The following DACH2 variants were observed in gnomAD, a reference collection of about 807,000 sequenced individuals.
DACH2 encodes the protein dachshund homolog 2.
A neutral mutation model predicts 35.8 loss-of-function variants in DACH2; 17 were observed. The ratio of observed to expected loss-of-function variants is 0.48; its 90% confidence interval spans 0.33 to 0.71. The LOEUF (loss-of-function observed/expected upper bound fraction) is 0.71, where lower values mean the gene tolerates loss of function less well. Ranked by LOEUF, DACH2 falls within the 30% of genes least tolerant of loss-of-function variation. The pLI is 0.02. For missense variants in DACH2, 469 were observed against 472.7 expected (o/e 0.99, Z 0.07); for synonymous variants, 195 against 177.3 (o/e 1.10, Z -0.79).
chrX:86,219,107 A>G (rs755327375), intron 1 of DACH2, among the ~76,000 whole-genome samples: 79 of 112,187 alleles, frequency 7.0e-4, no homozygotes, highest in Admixed American at 5.0e-3. Context: ...AACCATGTAT[A>G]CAAATTCAGA....
intron 2 of DACH2, among the ~76,000 whole-genome samples, chrX:86,477,248 C>A (rs1421348626): frequency 9.4e-6 from 1 of 106,758 alleles, no homozygotes. Flanking sequence ...ATGTTTATTT[C>A]TCTGACTATT....
chrX:86,827,722 T>C (rs760977248), intron 11 of DACH2: 50 of 1,132,968 alleles, frequency 4.4e-5, no homozygotes, highest in Admixed American at 1.6e-4. Flanking sequence ...ATTTTCTTTG[T>C]TCGAATGAAA....
At chrX:86,222,044 A>C (rs578138119) in intron 1 of DACH2, among the ~76,000 whole-genome samples, 1 of 112,007 alleles carries the variant, frequency 8.9e-6, no homozygotes, top group Admixed American at 9.5e-5. Context: ...ATTTTGCTTA[A>C]CCTTAGTTAC....
chrX:86,347,054 A>T lies in DACH2; in HGVS notation c.489-29770A>T, dbSNP rs781767275. Among the ~76,000 whole-genome samples, 27 of 112,012 alleles carry T rather than the reference A, an allele frequency of 2.4e-4. No individual in the cohort carries two copies. The South Asian group carries it at 7.8e-3, about 33-fold the overall frequency. On this transcript the variant is annotated intron_variant, in intron 1 of 11. Coordinates refer to ENST00000373125, the MANE Select transcript of DACH2 (RefSeq NM_053281.3). Reference sequence around the variant, plus strand: ...TAAAGAATTATCATTATGAAAAATTAATAGAAAATTTTGGGTAGTGATTCT... The same window carrying T: ...TAAAGAATTATCATTATGAAAAATTTATAGAAAATTTTGGGTAGTGATTCT...
intron 7 of DACH2, among the ~76,000 whole-genome samples, chrX:86,778,668 T>C (rs1282158190): frequency 9.0e-6 from 1 of 111,432 alleles, no homozygotes; most frequent in Non-Finnish European, 1.9e-5. Flanking sequence ...GGCAGTGCAG[T>C]GGCGTGATCT....
chrX:86,549,568 TA>T (rs1472725158), intron 3 of DACH2, among the ~76,000 whole-genome samples: 1 of 110,546 alleles, frequency 9.0e-6, no homozygotes, highest in Non-Finnish European at 1.9e-5. Context: ...ATACTATTTA[TA>T]TTTTTTTAAA....
At chrX:86,455,321 T>G (rs1392046566) in intron 2 of DACH2, among the ~76,000 whole-genome samples, 1 of 111,391 alleles carries the variant, frequency 9.0e-6, no homozygotes, top group East Asian at 2.9e-4. Flanking sequence ...TGTGCTATGT[T>G]GTGTTGGGAG....
chrX:86,383,454 A>T (rs1325426455), intron 2 of DACH2, among the ~76,000 whole-genome samples: 2 of 105,360 alleles, frequency 1.9e-5, no homozygotes, highest in Non-Finnish European at 3.9e-5. Context: ...CCTATTGAGT[A>T]TCCCCACTTT....
intron 2 of DACH2, among the ~76,000 whole-genome samples, chrX:86,452,662 G>A (rs2037400184): frequency 8.9e-6 from 1 of 111,735 alleles, no homozygotes; most frequent in Non-Finnish European, 1.9e-5. Context: ...TATGGAGTCA[G>A]TGGTGATCCC....
chrX:86,813,051 G>A, intron 8 of DACH2, 47 bp downstream of exon 8: 1 of 1,138,925 alleles, frequency 8.8e-7, no homozygotes, highest in Non-Finnish European at 1.2e-6. Context: ...CAAGACATTA[G>A]CACCTACATA....
chrX:86,731,629 T>C (rs1318954774), intron 6 of DACH2, among the ~76,000 whole-genome samples: 1 of 111,815 alleles, frequency 8.9e-6, no homozygotes, highest in Non-Finnish European at 1.9e-5. Context: ...TGGAAGGGAG[T>C]TTAGCTTAAT....
chrX:86,672,878 C>T (rs146622513), intron 4 of DACH2, among the ~76,000 whole-genome samples: 508 of 111,558 alleles, frequency 4.6e-3, no homozygotes, highest in Middle Eastern at 0.028. Flanking sequence ...GATCCACTGA[C>T]GACTTGCATT....
At chrX:86,601,645 G>T (rs1312511408) in intron 3 of DACH2, among the ~76,000 whole-genome samples, 1 of 112,079 alleles carries the variant, frequency 8.9e-6, no homozygotes, top group Non-Finnish European at 1.9e-5. Flanking sequence ...AACTGCTAAT[G>T]AGGTAGTAGT....
At chrX:86,306,997 A>G (rs1357436215) in intron 1 of DACH2, among the ~76,000 whole-genome samples, 1 of 111,862 alleles carries the variant, frequency 8.9e-6, no homozygotes, top group Admixed American at 9.5e-5. Context: ...ATTCCTTGGC[A>G]TGAACTATTT....
chrX:86,634,274 G>A (rs2040236612), intron 3 of DACH2, among the ~76,000 whole-genome samples: 1 of 111,083 alleles, frequency 9.0e-6, no homozygotes, highest in East Asian at 2.9e-4. Flanking sequence ...GAGACAAATC[G>A]AAACCATATC....
chrX:86,587,209 G>C (rs2142908), intron 3 of DACH2, among the ~76,000 whole-genome samples: 35,244 of 110,178 alleles, frequency 0.32, 4,416 homozygotes, highest in East Asian at 0.55. Context: ...ATTTGGCTCT[G>C]TTTGGATGTT....
At chrX:86,723,139 T>C (rs1408433122) in intron 6 of DACH2, among the ~76,000 whole-genome samples, 2 of 111,952 alleles carry the variant, frequency 1.8e-5, no homozygotes, top group Non-Finnish European at 3.8e-5. Context: ...TCTCTGATGA[T>C]CTTTCATTTT....
At chrX:86,666,029 T>C (rs948221666) in intron 4 of DACH2, among the ~76,000 whole-genome samples, 1 of 111,234 alleles carries the variant, frequency 9.0e-6, no homozygotes, top group Non-Finnish European at 1.9e-5. Context: ...TCATCATCAC[T>C]ATTATATGCT....
chrX:86,534,724 G>T (rs1249972559), intron 3 of DACH2, among the ~76,000 whole-genome samples: 1 of 110,568 alleles, frequency 9.0e-6, no homozygotes, highest in Non-Finnish European at 1.9e-5. Context: ...TTTCCTTTAT[G>T]GATTTCATGG....
Sources: allele counts gnomAD v4.1 joint callset (sites outside exome capture counted in the v4.1 genomes callset), GRCh38; gene constraint gnomAD v4.1.1; transcripts MANE v1.5; gene names NCBI Gene and HGNC (gene_info 2026-07-23, HGNC 2026-07-21).